Variants in BBX observed in about 807,000 individuals in gnomAD.
The protein encoded by BBX is HMG box transcription factor BBX.
BBX carries 30 observed loss-of-function variants against 100.2 expected under a neutral mutation model. The observed-to-expected ratio is 0.30, with a 90% CI of 0.22 to 0.41. The LOEUF (loss-of-function observed/expected upper bound fraction) is 0.41. Among genes scored for constraint, BBX ranks in the 10% least tolerant of loss-of-function variants. The pLI, the probability that BBX is intolerant of heterozygous loss-of-function variation, is 1.00. For missense variants in BBX, 1,023 were observed against 1,129.8 expected (o/e 0.91, Z 1.35); for synonymous variants, 376 against 388.1 (o/e 0.97, Z 0.37).
At chr3:107,549,593 C>A (rs1346499885) in intron 2 of BBX, among the ~76,000 whole-genome samples, 1 of 152,118 alleles carries the variant, frequency 6.6e-6, no homozygotes, top group Non-Finnish European at 1.5e-5. Flanking sequence ...TGGAGACATT[C>A]CTGTTCAGCA....
chr3:107,584,764 T>C (rs1392031925), intron 2 of BBX, among the ~76,000 whole-genome samples: 1 of 135,206 alleles, frequency 7.4e-6, no homozygotes, highest in Non-Finnish European at 1.5e-5. Flanking sequence ...CGATCTCAGC[T>C]CATTGCAACC....
chr3:107,728,245 A>T (rs2063095430), intron 5 of BBX, among the ~76,000 whole-genome samples: 2 of 152,202 alleles, frequency 1.3e-5, no homozygotes, highest in African/African-American at 4.8e-5. Flanking sequence ...GAAAGGTTTA[A>T]CAACTTGCTT....
intron 2 of BBX, among the ~76,000 whole-genome samples, chr3:107,621,815 G>A (rs532840951): frequency 6.6e-5 from 10 of 152,208 alleles, no homozygotes; most frequent in African/African-American, 1.2e-4. Flanking sequence ...TCAGTGCCAC[G>A]GGCCAAATTT....
At chr3:107,563,100 A>G (rs1006865834) in intron 2 of BBX, among the ~76,000 whole-genome samples, 5 of 152,128 alleles carry the variant, frequency 3.3e-5, no homozygotes, top group Admixed American at 2.0e-4. Context: ...TTTGCCTCCC[A>G]TGTGGGAGGA....
At chr3:107,626,417 C>T (rs1576059454) in intron 2 of BBX, among the ~76,000 whole-genome samples, 1 of 152,152 alleles carries the variant, frequency 6.6e-6, no homozygotes, top group East Asian at 1.9e-4. Flanking sequence ...AAACAATGAA[C>T]ATTCATTCTC....
In BBX at chr3:107,772,941, C is replaced by G. The variant is rs768529852; in HGVS notation, c.1220C>G (p.Pro407Arg). ...GAAGATCACAAATGTAGTCATTTTC[C>G]TGATTTTTCTTATTCTGCCAGTAGC... ...LEEDHKCSHF[P>R]DFSYSASSKI... The change falls in exon 11 of 18, where the codon CCT becomes CGT. Residue 407 changes from proline (P) to arginine (R), a missense_variant. Physicochemically the swap from Pro to Arg is moderately radical, Grantham distance 103 (BLOSUM62 -2). This residue lies in a region of BBX where 348 missense variants were observed against 353.2 expected (regional missense o/e 0.99). Coordinates refer to ENST00000325805, the MANE Select transcript of BBX (RefSeq NM_001142568.3). The G allele has an allele frequency of 1.9e-6, 3 of 1,611,882 alleles. No individual in the cohort carries two copies. The South Asian group carries it at 3.3e-5, about 18-fold the overall frequency.
chr3:107,673,942 T>C (rs2059152827), intron 3 of BBX, among the ~76,000 whole-genome samples: 1 of 152,190 alleles, frequency 6.6e-6, no homozygotes, highest in Admixed American at 6.5e-5. Context: ...TTCAAGTATT[T>C]TATTTATGTT....
At chr3:107,545,318 G>A (rs1046514455) in intron 2 of BBX, among the ~76,000 whole-genome samples, 1 of 152,188 alleles carries the variant, frequency 6.6e-6, no homozygotes. Context: ...TAATATAAGT[G>A]CAACTTGATG....
intron 17 of BBX, 149 bp from the exon 18 acceptor site, chr3:107,805,219 ACT>A: frequency 1.2e-6 from 1 of 866,342 alleles, no homozygotes; most frequent in Non-Finnish European, 1.7e-6. Context: ...AAGAGAAAAA[ACT>A]CTAAAGCAAA....
intron 3 of BBX, among the ~76,000 whole-genome samples, chr3:107,706,493 G>A (rs182226658): frequency 5.3e-5 from 8 of 152,136 alleles, no homozygotes; most frequent in Admixed American, 5.2e-4. Context: ...GTAAATTTTG[G>A]TAGGGGGCTT....
chr3:107,801,559 A>G (rs75579655), intron 17 of BBX, among the ~76,000 whole-genome samples: 2,776 of 152,274 alleles, frequency 0.018, 42 homozygotes, highest in Middle Eastern at 0.071. Flanking sequence ...TATCTGACCA[A>G]TGAGCTTTGG....
At chr3:107,536,220 G>A (rs1423949891) in intron 2 of BBX, among the ~76,000 whole-genome samples, 1 of 152,200 alleles carries the variant, frequency 6.6e-6, no homozygotes, top group Non-Finnish European at 1.5e-5. Context: ...TTGTATGCGA[G>A]TAGCCAAACA....
intron 2 of BBX, among the ~76,000 whole-genome samples, chr3:107,589,830 G>A (rs998841796): frequency 1.3e-5 from 2 of 152,190 alleles, no homozygotes; most frequent in African/African-American, 4.8e-5. Context: ...TTTAGAGAAA[G>A]AGCAAGATCT....
intron 3 of BBX, among the ~76,000 whole-genome samples, chr3:107,650,720 G>C (rs1454195458): frequency 2.0e-5 from 3 of 152,032 alleles, no homozygotes; most frequent in African/African-American, 7.3e-5. Context: ...CTGGATTATT[G>C]GTAGAGTAAA....
chr3:107,808,354 T>C lies in BBX; in HGVS notation c.*2897T>C, dbSNP rs1403923399. On this transcript the variant is annotated 3_prime_UTR_variant, in exon 18 of 18. Transcript: ENST00000325805. Reference sequence around the variant, plus strand: ...AAACCATTCTGAATTTAGTTGAAATTATCAATATTTATGCTTTTAACCTTA... The same window carrying C: ...AAACCATTCTGAATTTAGTTGAAATCATCAATATTTATGCTTTTAACCTTA... 6.6e-6 allele frequency: 1 copy of C among 152,184 alleles called. No homozygotes were observed. The highest frequency in any genetic ancestry group is 1.5e-5 in the Non-Finnish European group (1 of 68,020). 9.4% of individuals were successfully genotyped at this position (152,184 alleles called of 1,614,324 possible). A position where few individuals can be genotyped will look rare whatever the true frequency, so the allele number is the denominator to read the frequency against.
chr3:107,700,807 A>G (rs1327100996), intron 3 of BBX, among the ~76,000 whole-genome samples: 1 of 151,780 alleles, frequency 6.6e-6, no homozygotes, highest in Non-Finnish European at 1.5e-5. Context: ...TCTATGGTGT[A>G]TATGTGCCAC....
chr3:107,694,958 T>C (rs2108117937), intron 3 of BBX, among the ~76,000 whole-genome samples: 1 of 151,896 alleles, frequency 6.6e-6, no homozygotes, highest in African/African-American at 2.4e-5. Flanking sequence ...ATTCATTTCT[T>C]CTATATTTTC....
chr3:107,791,188 T>C, intron 14 of BBX, 52 bp from the exon 15 acceptor site: 1 of 1,476,388 alleles, frequency 6.8e-7, no homozygotes, highest in Non-Finnish European at 9.4e-7. Context: ...GTATGGGGAA[T>C]CTACTAAGAG....
intron 3 of BBX, among the ~76,000 whole-genome samples, chr3:107,692,240 A>G (rs2060225448): frequency 6.6e-6 from 1 of 151,538 alleles, no homozygotes; most frequent in Non-Finnish European, 1.5e-5. Flanking sequence ...ACATGTGCAC[A>G]ATGTGCAGGT....
Sources: gnomAD v4.1 joint callset for allele counts (sites outside exome capture counted in the v4.1 genomes callset) on GRCh38, gnomAD v4.1.1 for gene constraint, gnomAD v4.1.1 regional missense constraint, MANE v1.5 for transcripts, NCBI Gene and HGNC (gene_info 2026-07-23, HGNC 2026-07-21) for gene names.